Variants in DOCK1 observed in about 807,000 individuals in gnomAD.
The protein encoded by DOCK1 is dedicator of cytokinesis protein 1.
In DOCK1, 138 loss-of-function variants were observed where a neutral mutation model predicts 262.7. The observed-to-expected ratio is 0.53, with a 90% CI of 0.46 to 0.61. The LOEUF (loss-of-function observed/expected upper bound fraction) is 0.61. DOCK1 is among the 20% of genes least tolerant of loss of function. The pLI, the probability that DOCK1 is intolerant of heterozygous loss-of-function variation, is 0.00. For synonymous variants in DOCK1, 866 were observed against 867.4 expected, an observed-to-expected ratio of 1.00 and a Z score of 0.03; for missense variants, 1,908 against 2,370.7, an observed-to-expected ratio of 0.80 and a Z score of 4.05.
Position 127,125,568 on chromosome 10 carries a change from C to T in DOCK1, c.2718C>T (p.Ser906=), listed in dbSNP as rs765922744. The T allele has an allele frequency of 8.1e-6, 13 of 1,613,718 alleles. No individual in the cohort carries two copies. The highest frequency in any genetic ancestry group is 1.1e-5 in the Non-Finnish European group (13 of 1,179,844). The change falls in exon 26 of 52, where the codon AGC becomes AGT. Residue 906 remains serine (S), a synonymous_variant. Coordinates refer to ENST00000623213, the MANE Select transcript of DOCK1 (RefSeq NM_001290223.2). ...TGGAGGCCTGCTGTCAGCTGCTCAG[C>T]CACATCCTGGAGGTGCTGTACAGGA... is the stretch of plus-strand genomic sequence containing the variant. ...EDLEACCQLL[S]HILEVLYRKD... is the part of the protein sequence containing the mutation.
chr10:126,983,895 A>G lies in DOCK1; in HGVS notation c.227+1922A>G, dbSNP rs185721786. ...TTTTCCCAGTACTGACATGGTTAGC[A>G]ATGCCTCCTTATGTCTGGACCTCAC... On this transcript the variant is annotated intron_variant, in intron 4 of 51. Transcript: ENST00000623213. Among the ~76,000 whole-genome samples, 186 of 152,278 alleles carry G rather than the reference A, an allele frequency of 1.2e-3. 1 individual carries two copies. The highest frequency in any genetic ancestry group is 4.4e-3 in the African/African-American group (182 of 41,564).
At chr10:127,000,122 G>A (rs758518538) in intron 9 of DOCK1, 50 bp from the exon 10 acceptor site, 2 of 1,600,746 alleles carry the variant, frequency 1.2e-6, no homozygotes, top group East Asian at 4.5e-5. Context: ...ATTGGAGCTT[G>A]CATTGAATAA....
At chr10:127,032,085 T>G in intron 17 of DOCK1, 52 bp from the exon 18 acceptor site, 2 of 1,553,262 alleles carry the variant, frequency 1.3e-6, no homozygotes, top group Non-Finnish European at 8.7e-7. Flanking sequence ...GCAAAAATGG[T>G]GTGTTGCTGT....
Position 127,175,179 on chromosome 10 carries a change from A to T in DOCK1, c.2847+47415A>T. 1 of 1,560,410 alleles carries T rather than the reference A, an allele frequency of 6.4e-7. No individual in the cohort carries two copies. Among genetic ancestry groups the T allele is most frequent in the Admixed American group, 1.7e-5 (1 of 58,052 alleles). ...ATGGACTCTGTGGTGATCAGCCTGC[A>T]TAGCTTCCTAAGACATGGGTGAACA... On this transcript the variant is annotated intron_variant, in intron 27 of 51. Transcript: ENST00000623213. The surrounding 1 kb of genome is among the most constrained non-coding windows in gnomAD (Gnocchi z 6.3).
At chr10:126,964,422 C>A (rs1052895286) in intron 1 of DOCK1, among the ~76,000 whole-genome samples, 1 of 152,082 alleles carries the variant, frequency 6.6e-6, no homozygotes, top group Non-Finnish European at 1.5e-5. Flanking sequence ...CGAGACCAGG[C>A]GGATGGCCCT....
intron 27 of DOCK1, among the ~76,000 whole-genome samples, chr10:127,222,553 G>C (rs1311169741): frequency 2.0e-5 from 3 of 152,148 alleles, no homozygotes; most frequent in Non-Finnish European, 4.4e-5. Context: ...TTCCTTGGGA[G>C]ATAAATTTTG....
intron 1 of DOCK1, among the ~76,000 whole-genome samples, chr10:126,950,313 G>A (rs1332711178): frequency 6.6e-6 from 1 of 152,010 alleles, no homozygotes; most frequent in Non-Finnish European, 1.5e-5. Context: ...CTGGGATCTT[G>A]GGTGGTAAAT....
At chr10:127,434,518 C>T (rs1204845915) in intron 48 of DOCK1, among the ~76,000 whole-genome samples, 2 of 152,128 alleles carry the variant, frequency 1.3e-5, no homozygotes, top group Non-Finnish European at 2.9e-5. Flanking sequence ...CCATCCACCT[C>T]CAGAACTCTT....
intron 48 of DOCK1, among the ~76,000 whole-genome samples, chr10:127,434,731 C>A (rs1481565082): frequency 1.3e-5 from 2 of 151,810 alleles, no homozygotes; most frequent in Non-Finnish European, 2.9e-5. Context: ...CGGCTCACTG[C>A]AACCTCCGCC....
chr10:127,350,020 T>C (rs999393858), intron 31 of DOCK1, among the ~76,000 whole-genome samples: 7 of 152,108 alleles, frequency 4.6e-5, no homozygotes, highest in African/African-American at 1.7e-4. Context: ...GACTTCAACA[T>C]AGCTTTAAAG....
At chr10:127,036,771 C>G (rs748467921) in intron 18 of DOCK1, among the ~76,000 whole-genome samples, 1 of 151,656 alleles carries the variant, frequency 6.6e-6, no homozygotes, top group African/African-American at 2.4e-5. Context: ...ATCAGGAGTT[C>G]GAGATCAGCC....
intron 29 of DOCK1, among the ~76,000 whole-genome samples, chr10:127,258,926 C>T (rs931054649): frequency 2.6e-5 from 4 of 152,210 alleles, no homozygotes; most frequent in African/African-American, 7.2e-5. Flanking sequence ...TCCAAAGCAG[C>T]ACGACCTTTC....
Position 127,175,243 on chromosome 10 carries a change from C to A in DOCK1, c.2847+47479C>A. 1.2e-6 allele frequency: 2 copies of A among 1,613,686 alleles called. No individual in the cohort carries two copies. The highest frequency in any genetic ancestry group is 1.7e-6 in the Non-Finnish European group (2 of 1,179,874). On this transcript the variant is annotated intron_variant, in intron 27 of 51. Transcript: ENST00000623213. The surrounding 1 kb of genome is among the most constrained non-coding windows in gnomAD (Gnocchi z 6.3). ...CGATGGGCCTCTCCTTTTTCCAACT[C>A]CTGAATGACCCCCAAGAGCACTTTG...
intron 29 of DOCK1, among the ~76,000 whole-genome samples, chr10:127,322,780 G>T (rs533125002): frequency 6.6e-6 from 1 of 152,242 alleles, no homozygotes; most frequent in African/African-American, 2.4e-5. Context: ...GTCTATTAGT[G>T]AATGCAGAAG....
chr10:127,366,787 C>T (rs1019236135), intron 33 of DOCK1, among the ~76,000 whole-genome samples: 3 of 152,206 alleles, frequency 2.0e-5, no homozygotes, highest in Non-Finnish European at 4.4e-5. Flanking sequence ...TGCTGCCTAA[C>T]TCCTCTGCCA....
chr10:127,220,761 A>C (rs1334420), intron 27 of DOCK1, among the ~76,000 whole-genome samples: 18,678 of 151,878 alleles, frequency 0.12, 1,307 homozygotes, highest in East Asian at 0.22. Context: ...CCTTTAAAGA[A>C]TTTGCCCTTT....
At chr10:126,906,140 C>T (rs1484195273) in intron 1 of DOCK1, among the ~76,000 whole-genome samples, 5 of 152,188 alleles carry the variant, frequency 3.3e-5, no homozygotes, top group Non-Finnish European at 7.4e-5. Flanking sequence ...CGTGTGGGAC[C>T]TTGGAGAGAA....
intron 6 of DOCK1, among the ~76,000 whole-genome samples, chr10:126,994,984 G>A (rs1161930289): frequency 6.6e-6 from 1 of 150,882 alleles, no homozygotes; most frequent in African/African-American, 2.4e-5. Context: ...CGTCAGAGAC[G>A]CTCCTCACCT....
At chr10:126,957,691 G>GC (rs2036862710) in intron 1 of DOCK1, among the ~76,000 whole-genome samples, 1 of 152,024 alleles carries the variant, frequency 6.6e-6, no homozygotes, top group Non-Finnish European at 1.5e-5. Context: ...TGTTGCTCAG[G>GC]CTGGTTTCGA....
Sources: gnomAD v4.1 joint callset for allele counts (sites outside exome capture counted in the v4.1 genomes callset) on GRCh38, gnomAD v4.1.1 for gene constraint, Gnocchi (gnomAD v3.1) non-coding constraint, MANE v1.5 for transcripts, NCBI Gene and HGNC (gene_info 2026-07-23, HGNC 2026-07-21) for gene names.